RYR1: variants seen among roughly 807,000 people sequenced by gnomAD.
RYR1 encodes the protein central core disease of muscle.
Under a neutral mutation model 583.5 loss-of-function variants are expected in RYR1, and 342 were observed. That is an observed-to-expected ratio of 0.59 (90% CI 0.54 to 0.64). RYR1 has a LOEUF of 0.64. RYR1 is among the 30% of genes least tolerant of loss of function. The pLI is 0.00. For missense variants in RYR1, 6,032 were observed against 6,917.2 expected (o/e 0.87, Z 4.54); for synonymous variants, 2,791 against 2,822.5 (o/e 0.99, Z 0.35).
Position 38,565,883 on chromosome 19 carries a change from GGCACAC to G in RYR1, c.13437+117_13437+122del, listed in dbSNP as rs1486111920. The G allele has an allele frequency of 1.6e-6, 2 of 1,215,086 alleles. No individual in the cohort carries two copies. Among genetic ancestry groups the G allele is most frequent in the Admixed American group, 4.1e-5 (1 of 24,180 alleles). The allele number at this position is 1,215,086 out of a possible 1,614,324, so 75.3% of individuals were successfully genotyped here. On this transcript the variant is annotated intron_variant, in intron 91 of 105. Transcript: ENST00000359596. This position sits in a 1 kb window ranked among gnomAD's most constrained non-coding sequence, Gnocchi z 4.7. Reference sequence around the variant, plus strand: ...GAGGAGAGAACTGGCTAGGGGGATGGGCACACGCACCCACGGAGGACGCACCCATGG... The same window carrying G: ...GAGGAGAGAACTGGCTAGGGGGATGGGCACCCACGGAGGACGCACCCATGG...
rs373668114 is a variant in RYR1 at position 38,476,264 on chromosome 19, T to C, written c.4293+814T>C. Among the ~76,000 whole-genome samples, 5 of 152,140 alleles carry C rather than the reference T, an allele frequency of 3.3e-5. No homozygotes were observed. In the East Asian group the frequency reaches 5.8e-4, roughly 18 times the overall value. On this transcript the variant is annotated intron_variant, in intron 29 of 105. Transcript: ENST00000359596. Reference sequence around the variant, plus strand: ...CCCAGGCTGGAGTGCAGTGGCGCGATCTCGGCTCACTGCAACCTCTGCCTC... The same window carrying C: ...CCCAGGCTGGAGTGCAGTGGCGCGACCTCGGCTCACTGCAACCTCTGCCTC...
rs187077304 is a variant in RYR1, at chr19:38,576,648, C to T, written c.14172+687C>T. ...ACAACATGGCAAAACTGCATCTCTACTAAAAACACAAAAATTAGCTGGGCA... is the reference window on the plus strand; with the variant it reads ...ACAACATGGCAAAACTGCATCTCTATTAAAAACACAAAAATTAGCTGGGCA... On this transcript the variant is annotated intron_variant, in intron 97 of 105. Transcript: ENST00000359596. Among the ~76,000 whole-genome samples, 315 of 151,978 alleles carry T rather than the reference C, an allele frequency of 2.1e-3. 7 individuals carry two copies. Among genetic ancestry groups the T allele is most frequent in the East Asian group, 2.9e-3 (15 of 5,134 alleles).
Position 38,565,984 on chromosome 19 carries a change from CAGAG to C in RYR1, c.13437+215_13437+218del, listed in dbSNP as rs1395224503. 1.3e-5 allele frequency among the ~76,000 whole-genome samples: 2 copies of C among 151,818 alleles called. No homozygotes were observed. The highest frequency in any genetic ancestry group is 4.8e-5 in the African/African-American group (2 of 41,312). ...AGAGACAGAGGGATACTCAGACCCA[CAGAG>C]AAAGAGACTCAGAGATGGAGACCTG... is the stretch of plus-strand genomic sequence containing the variant. On this transcript the variant is annotated intron_variant, in intron 91 of 105. Coordinates refer to ENST00000359596, the MANE Select transcript of RYR1 (RefSeq NM_000540.3). The surrounding 1 kb of genome is among the most constrained non-coding windows in gnomAD (Gnocchi z 4.7).
chr19:38,585,864 A>G (rs1290526043), intron 102 of RYR1, 74 bp from the exon 103 acceptor site: 1 of 1,559,926 alleles, frequency 6.4e-7, no homozygotes, highest in African/African-American at 1.4e-5. Flanking sequence ...CAAGCCCTGG[A>G]GGTAGGTAGC....
chr19:38,472,686 T>A (rs976547971), intron 27 of RYR1, among the ~76,000 whole-genome samples: 4 of 151,584 alleles, frequency 2.6e-5, no homozygotes, highest in Non-Finnish European at 5.9e-5. Flanking sequence ...GAGACCAGCC[T>A]GGGCAACATG....
intron 47 of RYR1, 128 bp from the exon 48 acceptor site, chr19:38,502,379 G>A: frequency 2.4e-6 from 2 of 839,330 alleles, no homozygotes; most frequent in Non-Finnish European, 3.9e-6. Flanking sequence ...GGGTGGTAGA[G>A]ATTGGGAGGA....
chr19:38,517,611 A>G lies in RYR1; in HGVS notation c.9938A>G (p.Asn3313Ser), dbSNP rs1600891688. Residue 3313 changes from asparagine (N) to serine (S), a missense_variant, in exon 66 of 106, where the codon AAC (asparagine) becomes AGC (serine). Physicochemically the swap from Asn to Ser is conservative, Grantham distance 46. Coordinates refer to ENST00000359596, the MANE Select transcript of RYR1 (RefSeq NM_000540.3). Reference sequence around the variant, plus strand: ...ACAGCTGTCACCTCTGACCACCTCAACTCCCTGCTGGGGAATATCCTGAGA... The same window carrying G: ...ACAGCTGTCACCTCTGACCACCTCAGCTCCCTGCTGGGGAATATCCTGAGA... Reference protein sequence around the residue: ...PCTAVTSDHLNSLLGNILRII... With the variant: ...PCTAVTSDHLSSLLGNILRII... The G allele has an allele frequency of 9.9e-6, 16 of 1,613,726 alleles. No homozygotes were observed. The highest frequency in any genetic ancestry group is 2.2e-5 in the East Asian group (1 of 44,864).
At chr19:38,466,499 ATCT>A in intron 24 of RYR1, 101 bp downstream of exon 24, 10 of 875,012 alleles carry the variant, frequency 1.1e-5, no homozygotes, top group Non-Finnish European at 1.5e-5. Context: ...AATGGGCTAT[ATCT>A]TTTTTTTTTT....
At chr19:38,584,314 G>A (rs771157684) in intron 101 of RYR1, among the ~76,000 whole-genome samples, 166 of 44,194 alleles carry the variant, frequency 3.8e-3, no homozygotes, top group Admixed American at 0.013. Context: ...CACCCATCCC[G>A]GCCCTCATCC....
intron 76 of RYR1, among the ~76,000 whole-genome samples, chr19:38,531,956 G>C (rs1316769686): frequency 6.6e-6 from 1 of 152,092 alleles, no homozygotes; most frequent in Non-Finnish European, 1.5e-5. Context: ...TTACTGGACA[G>C]CATGGACAAC....
At chr19:38,447,223 TCAAA>T (rs142759401) in intron 9 of RYR1, among the ~76,000 whole-genome samples, 90,968 of 150,180 alleles carry the variant, frequency 0.61, 27,958 homozygotes, top group Admixed American at 0.68. Flanking sequence ...AGATCCTGTC[TCAAA>T]CAAACAAACA....
In RYR1 at chr19:38,499,401, GGTGTTGGGTCCTGTGGCTGGCA is replaced by G. The variant is rs1390716098; in HGVS notation, c.7027+166_7027+187del. Among the ~76,000 whole-genome samples, 3 of 152,192 alleles carry G rather than the reference GGTGTTGGGTCCTGTGGCTGGCA, an allele frequency of 2.0e-5. No homozygotes were observed. The highest frequency in any genetic ancestry group is 6.8e-3 in the Middle Eastern group (2 of 294). ...GGCAGGGGCCTGTGTTACCCCTGGA[GGTGTTGGGTCCTGTGGCTGGCA>G]GTGTTGGATCCTGGGGCTGGCGGGA... On this transcript the variant is annotated intron_variant, in intron 43 of 105. Transcript: ENST00000359596. The surrounding 1 kb of genome is among the most constrained non-coding windows in gnomAD (Gnocchi z 7.3).
intron 9 of RYR1, among the ~76,000 whole-genome samples, chr19:38,447,399 G>A (rs1243806139): frequency 3.3e-5 from 5 of 151,868 alleles, no homozygotes; most frequent in Non-Finnish European, 7.4e-5. Flanking sequence ...AAATTTGCCT[G>A]GTGTGGTGGT....
intron 92 of RYR1, among the ~76,000 whole-genome samples, chr19:38,567,480 C>T (rs555317124): frequency 6.6e-6 from 1 of 152,184 alleles, no homozygotes; most frequent in South Asian, 2.1e-4. Context: ...ACCTGACCCC[C>T]TCCTAAGTTG....
Position 38,494,398 on chromosome 19 carries a change from A to T in RYR1, c.6321A>T (p.Gln2107His), listed in dbSNP as rs774949678. The stretch of plus-strand genomic sequence containing the variant: ...CCCACATGGTGGTGCGCTGGGCCCA[A>T]GAGGACTTCGTGCAGAGCCCCGAGC... ...LVSHMVVRWA[Q>H]EDFVQSPELV... The change falls in exon 39 of 106, where the codon CAA becomes CAT. Residue 2107 changes from glutamine to histidine, a missense_variant. By Grantham distance (24) the Gln-to-His change is conservative (BLOSUM62 0). This residue lies in a region of RYR1 where 2,627 missense variants were observed against 2,961.3 expected (regional missense o/e 0.89). Coordinates refer to ENST00000359596, the MANE Select transcript of RYR1 (RefSeq NM_000540.3). 1 of 1,611,950 alleles carries T rather than the reference A, an allele frequency of 6.2e-7. No individual in the cohort carries two copies. The highest frequency in any genetic ancestry group is 8.5e-7 in the Non-Finnish European group (1 of 1,180,022).
At chr19:38,529,425 A>G (rs1239695762) in intron 76 of RYR1, among the ~76,000 whole-genome samples, 1 of 152,196 alleles carries the variant, frequency 6.6e-6, no homozygotes, top group Non-Finnish European at 1.5e-5. Flanking sequence ...GGTTGCAGTG[A>G]GCCGAGATCA....
rs1472977053 is a variant in RYR1, at chr19:38,486,075, T to G, written c.5420T>G (p.Leu1807Arg). 1 of 1,612,562 alleles carries G rather than the reference T, an allele frequency of 6.2e-7. No homozygotes were observed. ...RLSPAIPLEALRDKALRMLGE... is the reference protein window; with the variant it reads ...RLSPAIPLEARRDKALRMLGE... ...AGCCCTGCCATCCCGCTGGAGGCCC[T>G]GCGGGACAAGGCACTGAGGATGCTG... The change falls in exon 34 of 106, where the codon CTG becomes CGG. Residue 1807 changes from leucine (L) to arginine (R), a missense_variant. Transcript: ENST00000359596.
rs186700116 is a variant in RYR1 at position 38,575,670 on chromosome 19, G to A, written c.14130-249G>A. 4.7e-3 allele frequency among the ~76,000 whole-genome samples: 715 copies of A among 152,300 alleles called. 6 individuals are homozygous for A. The highest frequency in any genetic ancestry group is 0.016 in the African/African-American group (670 of 41,572). On this transcript the variant is annotated intron_variant, in intron 96 of 105. Transcript: ENST00000359596. ...ATACGAAAATTAGCCGGGCGTGGTG[G>A]TGGGCGCCTGTAATCCCAGCTACTC...
At position 38,459,306 on chromosome 19, in the gene RYR1, C is replaced by T; in HGVS notation, c.2328C>T (p.Phe776=). Residue 776 remains phenylalanine, a synonymous_variant, in exon 19 of 106, where the codon TTC becomes TTT. Transcript: ENST00000359596. ...VFESFNLDGL[F]FPVVSFSAGV... is the part of the protein sequence containing the mutation. ...AGTCCTTCAACCTGGACGGGCTCTTCTTCCCTGTTGTCAGCTTCTCGGCTG... is the reference window on the plus strand; with the variant it reads ...AGTCCTTCAACCTGGACGGGCTCTTTTTCCCTGTTGTCAGCTTCTCGGCTG... 1 of 1,614,142 alleles carries T rather than the reference C, an allele frequency of 6.2e-7. No homozygotes were observed. The highest frequency in any genetic ancestry group is 8.5e-7 in the Non-Finnish European group (1 of 1,180,026).
Sources: allele counts gnomAD v4.1 joint callset (sites outside exome capture counted in the v4.1 genomes callset), GRCh38; gene constraint gnomAD v4.1.1; regional missense constraint gnomAD v4.1.1; non-coding constraint Gnocchi (gnomAD v3.1); transcripts MANE v1.5; gene names NCBI Gene and HGNC (gene_info 2026-07-23, HGNC 2026-07-21).